The following ACIN1 variants were observed in gnomAD, a reference collection of about 807,000 sequenced individuals.
The protein encoded by ACIN1 is apoptotic chromatin condensation inducer 1.
A neutral mutation model predicts 146.6 loss-of-function variants in ACIN1; 16 were observed. The ratio of observed to expected loss-of-function variants is 0.11; its 90% CI spans 0.07 to 0.17. The LOEUF (loss-of-function observed/expected upper bound fraction) is 0.17, where lower values mean the gene tolerates loss of function less well. Among genes scored for constraint, ACIN1 ranks in the 10% least tolerant of loss-of-function variants. The pLI, the probability that ACIN1 is intolerant of heterozygous loss-of-function variation, is 1.00. For synonymous variants in ACIN1, 569 were observed against 582.7 expected, an observed-to-expected ratio of 0.98 and a Z score of 0.34; for missense variants, 1,357 against 1,609.3, an observed-to-expected ratio of 0.84 and a Z score of 2.68.
chr14:23,078,905 G>A lies in ACIN1; in HGVS notation c.1922C>T (p.Thr641Ile), dbSNP rs767033297. Residue 641 changes from threonine to isoleucine, a missense_variant, in exon 7 of 19, where the codon ACC becomes ATC. Thr to Ile is a moderately conservative substitution (Grantham distance 89). Around this residue, in one of 4 missense-constraint regions of ACIN1, gnomAD observed 771 missense variants for 746.6 expected, o/e 1.03. Coordinates refer to ENST00000605057, the MANE Select transcript of ACIN1 (RefSeq NM_001386863.1). Reference protein sequence around the residue: ...QVCEPKERTSTSSSSVQARRL... With the variant: ...QVCEPKERTSISSSSVQARRL... ...CCTTGCTTGGACAGAGGATGAGGAGGTGGAAGTCCTCTCCTTTGGCTCACA... is the reference window on the plus strand; with the variant it reads ...CCTTGCTTGGACAGAGGATGAGGAGATGGAAGTCCTCTCCTTTGGCTCACA... 2 of 1,614,132 alleles carry A rather than the reference G, an allele frequency of 1.2e-6. No individual in the cohort carries two copies. Among genetic ancestry groups the A allele is most frequent in the Non-Finnish European group, 1.7e-6 (2 of 1,180,020 alleles).
At chr14:23,063,614 A>C in intron 12 of ACIN1, 37 bp from the exon 13 acceptor site, 2 of 1,612,852 alleles carry the variant, frequency 1.2e-6, no homozygotes, top group Non-Finnish European at 1.7e-6. Flanking sequence ...GGTCTGTTAA[A>C]CACCAAACTG....
In ACIN1 at chr14:23,079,058, A is replaced by T. The variant is rs745786788; in HGVS notation, c.1789-20T>A. The T allele has an allele frequency of 1.2e-6, 2 of 1,605,060 alleles. No homozygotes were observed. Among genetic ancestry groups the T allele is most frequent in the Non-Finnish European group, 1.7e-6 (2 of 1,174,582 alleles). ...CAGAGACTAAAACAAAATGAAACAC[A>T]TAACAAGGAAAATTATTGTATATGG... On this transcript the variant is annotated intron_variant, in intron 6 of 18. Coordinates refer to ENST00000605057, the MANE Select transcript of ACIN1 (RefSeq NM_001386863.1).
At chr14:23,079,075 T>C (rs750930242) in intron 6 of ACIN1, 37 bp from the exon 7 acceptor site, 34 of 1,583,570 alleles carry the variant, frequency 2.1e-5, no homozygotes, top group Non-Finnish European at 2.5e-5. Context: ...GGAAAATTAT[T>C]GTATATGGTA....
At chr14:23,092,648 A>T (rs1026126181) in intron 2 of ACIN1, among the ~76,000 whole-genome samples, 5 of 152,214 alleles carry the variant, frequency 3.3e-5, no homozygotes, top group African/African-American at 1.2e-4. Context: ...CTTTAAGTAT[A>T]TGACACATTA....
At chr14:23,090,269 T>TA (rs1376549792) in intron 3 of ACIN1, among the ~76,000 whole-genome samples, 168 bp from the exon 4 acceptor site, 3 of 152,244 alleles carry the variant, frequency 2.0e-5, no homozygotes, top group African/African-American at 7.2e-5. Flanking sequence ...CTACTTCATC[T>TA]AAATGGTAGC....
chr14:23,065,128 T>C (rs1258360215), intron 10 of ACIN1, among the ~76,000 whole-genome samples: 1 of 152,166 alleles, frequency 6.6e-6, no homozygotes, highest in Non-Finnish European at 1.5e-5. Context: ...ACTAAGATCA[T>C]GATGGGATCT....
Position 23,064,244 on chromosome 14 carries a change from T to G in ACIN1, c.2456A>C (p.Asp819Ala). 6.2e-7 allele frequency: 1 copy of G among 1,614,084 alleles called. No homozygotes were observed. Among genetic ancestry groups the G allele is most frequent in the Non-Finnish European group, 8.5e-7 (1 of 1,180,048 alleles). ...TTESLKSLIP[D>A]IKPLAGQEAV... ...CTCCTGCCCCGCCAGGGGTTTGATG[T>G]CGGGGATGAGGCTCTGGGACACAGA... The change falls in exon 12 of 19, where the codon GAC (aspartate) becomes GCC (alanine). Residue 819 changes from aspartate to alanine, a missense_variant. Physicochemically the swap from Asp to Ala is moderately radical, Grantham distance 126. This residue lies in a region of ACIN1 where 509 missense variants were observed against 719.6 expected (regional missense o/e 0.71). Coordinates refer to ENST00000605057, the MANE Select transcript of ACIN1 (RefSeq NM_001386863.1).
chr14:23,070,092 G>A (rs1252013788), intron 8 of ACIN1, among the ~76,000 whole-genome samples: 1 of 151,718 alleles, frequency 6.6e-6, no homozygotes, highest in African/African-American at 2.4e-5. Context: ...AGAAAGAATG[G>A]CCAAGGCTTT....
At chr14:23,077,235 T>C (rs146043556) in intron 8 of ACIN1, among the ~76,000 whole-genome samples, 93 of 152,300 alleles carry the variant, frequency 6.1e-4, no homozygotes, top group African/African-American at 2.0e-3. Flanking sequence ...TATAAATTAT[T>C]AGACAATTAC....
chr14:23,064,723 C>T (rs1367082990), intron 10 of ACIN1: 7 of 465,518 alleles, frequency 1.5e-5, no homozygotes, highest in Middle Eastern at 5.9e-4. Flanking sequence ...ATGGTGAAAC[C>T]CCATCTCTAC....
chr14:23,068,834 T>C lies in ACIN1; in HGVS notation c.2265+642A>G. 1.0e-6 allele frequency: 1 copy of C among 985,482 alleles called. No homozygotes were observed. The highest frequency in any genetic ancestry group is 1.2e-6 in the Non-Finnish European group (1 of 829,962). 61.0% of individuals were successfully genotyped at this position (985,482 alleles called of 1,614,324 possible). On this transcript the variant is annotated intron_variant, in intron 9 of 18. Transcript: ENST00000605057. The surrounding 1 kb of genome is among the most constrained non-coding windows in gnomAD (Gnocchi z 4.3). ...CCCCTCTCCTAAACCCAGCTCATTC[T>C]TTCTCAATTACTTTAAGAGCCAAGA...
At chr14:23,062,826 T>C in intron 14 of ACIN1, 103 bp downstream of exon 14, 1 of 1,303,438 alleles carries the variant, frequency 7.7e-7, no homozygotes, top group Non-Finnish European at 1.1e-6. Flanking sequence ...TAACTTAATC[T>C]ATTGGTAGAC....
chr14:23,093,920 C>T (rs764357590), intron 1 of ACIN1, among the ~76,000 whole-genome samples: 1 of 152,194 alleles, frequency 6.6e-6, no homozygotes, highest in Non-Finnish European at 1.5e-5. Flanking sequence ...TCAAACCAGC[C>T]ATGGGGCTCC....
chr14:23,077,555 A>T (rs999297821), intron 8 of ACIN1, among the ~76,000 whole-genome samples: 2 of 152,210 alleles, frequency 1.3e-5, no homozygotes, highest in African/African-American at 4.8e-5. Context: ...TAAAGATTTT[A>T]AAAACTCACA....
chr14:23,063,185 A>C (rs556680301), intron 13 of ACIN1, 111 bp from the exon 14 acceptor site: 2 of 1,275,360 alleles, frequency 1.6e-6, no homozygotes, highest in African/African-American at 3.0e-5. Flanking sequence ...GCCACTCCTT[A>C]ATCTAAACGT....
At chr14:23,060,968 T>C (rs1038599145) in intron 18 of ACIN1, 116 bp downstream of exon 18, 157 of 963,966 alleles carry the variant, frequency 1.6e-4, no homozygotes, top group Non-Finnish European at 2.3e-4. Flanking sequence ...GCTTAGTTTA[T>C]CCTAAACCTA....
At chr14:23,069,391 T>TC in intron 9 of ACIN1, 85 bp downstream of exon 9, 1 of 1,540,602 alleles carries the variant, frequency 6.5e-7, no homozygotes, top group Non-Finnish European at 8.7e-7. Context: ...TAACCCACCG[T>TC]GTAAGAGGGA....
At position 23,067,981 on chromosome 14, in the gene ACIN1, C is replaced by T. The variant is rs1489461651; in HGVS notation, c.2265+1495G>A. The T allele has an allele frequency of 1.0e-6, 1 of 985,714 alleles. No individual in the cohort carries two copies. The highest frequency in any genetic ancestry group is 1.2e-6 in the Non-Finnish European group (1 of 829,954). 61.1% of individuals were successfully genotyped at this position (985,714 alleles called of 1,614,324 possible). On this transcript the variant is annotated intron_variant, in intron 9 of 18. Coordinates refer to ENST00000605057, the MANE Select transcript of ACIN1 (RefSeq NM_001386863.1). This position sits in a 1 kb window ranked among gnomAD's most constrained non-coding sequence, Gnocchi z 4.6. ...GGGACTCCAGCTGAGACAGTGGTTCCAGTCAGGTGGATGAAATGAGTCCCT... is the reference window on the plus strand; with the variant it reads ...GGGACTCCAGCTGAGACAGTGGTTCTAGTCAGGTGGATGAAATGAGTCCCT...
At chr14:23,064,596 C>T in intron 10 of ACIN1, 108 bp from the exon 11 acceptor site, 1 of 1,457,332 alleles carries the variant, frequency 6.9e-7, no homozygotes, top group Non-Finnish European at 9.3e-7. Context: ...AAAAGGTTAA[C>T]TTAAAGAAAT....
Sources: allele counts gnomAD v4.1 joint callset (sites outside exome capture counted in the v4.1 genomes callset), GRCh38; gene constraint gnomAD v4.1.1; regional missense constraint gnomAD v4.1.1; non-coding constraint Gnocchi (gnomAD v3.1); transcripts MANE v1.5; gene names NCBI Gene and HGNC (gene_info 2026-07-23, HGNC 2026-07-21).